SGCZ: variants seen among roughly 807,000 people sequenced by gnomAD.
The protein encoded by SGCZ is zeta-sarcoglycan.
A neutral mutation model predicts 41.3 loss-of-function variants in SGCZ; 40 were observed. The ratio of observed to expected loss-of-function variants is 0.97; its 90% CI spans 0.75 to 1.26. The LOEUF (loss-of-function observed/expected upper bound fraction) is 1.26, where lower values mean the gene tolerates loss of function less well. Ranked by LOEUF, SGCZ falls within the 50% of genes most tolerant of loss-of-function variation. The pLI, the probability that SGCZ is intolerant of heterozygous loss-of-function variation, is 0.00. For synonymous variants in SGCZ, 206 were observed against 137.5 expected, an observed-to-expected ratio of 1.50 and a Z score of -3.49; for missense variants, 552 against 369.8, an observed-to-expected ratio of 1.49 and a Z score of -4.04.
At chr8:14,507,687 C>G (rs1445885511) in intron 2 of SGCZ, among the ~76,000 whole-genome samples, 2 of 152,036 alleles carry the variant, frequency 1.3e-5, no homozygotes, top group East Asian at 3.9e-4. Context: ...TGCAATTCTT[C>G]AAGTTTTCTA....
At chr8:14,450,386 T>C (rs879587271) in intron 2 of SGCZ, among the ~76,000 whole-genome samples, 1 of 152,202 alleles carries the variant, frequency 6.6e-6, no homozygotes, top group Non-Finnish European at 1.5e-5. Flanking sequence ...AATGTAGAAA[T>C]TGGCTTTATA....
intron 2 of SGCZ, among the ~76,000 whole-genome samples, chr8:14,454,977 T>G (rs1308349705): frequency 1.8e-4 from 28 of 152,118 alleles, no homozygotes; most frequent in Admixed American, 1.7e-3. Flanking sequence ...GGAAAAGTAT[T>G]CCTACGGATA....
At chr8:14,669,698 AC>A (rs1808040632) in intron 1 of SGCZ, among the ~76,000 whole-genome samples, 1 of 56,634 alleles carries the variant, frequency 1.8e-5, no homozygotes, top group Admixed American at 2.2e-4. Flanking sequence ...GTGTATACAC[AC>A]ACACACACAC....
intron 2 of SGCZ, among the ~76,000 whole-genome samples, chr8:14,389,022 ATG>A (rs1455439692): frequency 6.6e-6 from 1 of 152,028 alleles, no homozygotes; most frequent in Non-Finnish European, 1.5e-5. Flanking sequence ...AAAAGACACT[ATG>A]AGATATAAAG....
chr8:14,876,659 G>A (rs971453233), intron 1 of SGCZ, among the ~76,000 whole-genome samples: 7 of 152,136 alleles, frequency 4.6e-5, no homozygotes, highest in East Asian at 1.9e-4. Context: ...TTTTTAAATG[G>A]TACAAGGTGC....
chr8:14,367,647 T>C (rs886913023), intron 2 of SGCZ, among the ~76,000 whole-genome samples: 3 of 151,990 alleles, frequency 2.0e-5, no homozygotes, highest in Non-Finnish European at 2.9e-5. Flanking sequence ...AGAGCATGTG[T>C]AAGCACAGGA....
At chr8:14,170,242 T>C (rs1291209356) in intron 4 of SGCZ, among the ~76,000 whole-genome samples, 1 of 152,084 alleles carries the variant, frequency 6.6e-6, no homozygotes, top group Non-Finnish European at 1.5e-5. Flanking sequence ...AAAAATATGC[T>C]CTAGCATTTC....
chr8:14,944,712 C>T (rs1253192553), intron 1 of SGCZ, among the ~76,000 whole-genome samples: 1 of 152,042 alleles, frequency 6.6e-6, no homozygotes, highest in African/African-American at 2.4e-5. Flanking sequence ...TCCTGATAAA[C>T]CCATTGTAGG....
chr8:14,657,488 A>G (rs1807613338), intron 1 of SGCZ, among the ~76,000 whole-genome samples: 1 of 152,176 alleles, frequency 6.6e-6, no homozygotes, highest in Non-Finnish European at 1.5e-5. Flanking sequence ...CTAATCATTG[A>G]CCATGAAGCT....
intron 2 of SGCZ, among the ~76,000 whole-genome samples, chr8:14,463,885 T>C (rs558274786): frequency 6.8e-6 from 1 of 146,740 alleles, no homozygotes; most frequent in Admixed American, 6.7e-5. Flanking sequence ...TGATCATGTG[T>C]TTTTCTGCCT....
At chr8:14,686,239 G>A (rs1808606619) in intron 1 of SGCZ, among the ~76,000 whole-genome samples, 1 of 151,980 alleles carries the variant, frequency 6.6e-6, no homozygotes, top group South Asian at 2.1e-4. Flanking sequence ...ACCCTGATCA[G>A]GTTATAGAAA....
intron 1 of SGCZ, among the ~76,000 whole-genome samples, chr8:14,658,491 G>A (rs10097072): frequency 1.3e-5 from 2 of 151,824 alleles, no homozygotes; most frequent in Non-Finnish European, 2.9e-5. Context: ...GATAAGATGC[G>A]CAGCCTCCAA....
chr8:14,259,556 A>C (rs1331815094), intron 3 of SGCZ, among the ~76,000 whole-genome samples: 1 of 141,160 alleles, frequency 7.1e-6, no homozygotes, highest in African/African-American at 2.5e-5. Flanking sequence ...AGCACCATTT[A>C]TTAAATAGGG....
At chr8:15,093,871 A>C (rs1806239192) in intron 1 of SGCZ, among the ~76,000 whole-genome samples, 1 of 152,210 alleles carries the variant, frequency 6.6e-6, no homozygotes, top group Admixed American at 6.5e-5. Flanking sequence ...CCACTTAATA[A>C]AACAGTATCA....
intron 6 of SGCZ, among the ~76,000 whole-genome samples, chr8:14,107,441 T>C (rs1198647353): frequency 6.6e-6 from 1 of 152,062 alleles, no homozygotes; most frequent in African/African-American, 2.4e-5. Flanking sequence ...TTGGAAATAT[T>C]AGACTGAGGA....
chr8:14,432,883 C>CAG (rs914847737), intron 2 of SGCZ, among the ~76,000 whole-genome samples: 29 of 133,366 alleles, frequency 2.2e-4, no homozygotes, highest in African/African-American at 8.5e-4. Flanking sequence ...TACTGCACTC[C>CAG]AGCCTGGGCA....
At chr8:14,916,672 G>A (rs1460388020) in intron 1 of SGCZ, among the ~76,000 whole-genome samples, 2 of 152,082 alleles carry the variant, frequency 1.3e-5, no homozygotes, top group South Asian at 2.1e-4. Context: ...ATGTGTGATG[G>A]CACCAGATCT....
intron 1 of SGCZ, 74 bp from the exon 2 acceptor site, chr8:14,555,000 T>C (rs1180034437): frequency 4.9e-5 from 67 of 1,371,424 alleles, no homozygotes; most frequent in Non-Finnish European, 6.5e-5. Context: ...CCCATGATTT[T>C]TTTGAAACAA....
chr8:14,132,473 T>G (rs1249322339), intron 5 of SGCZ, among the ~76,000 whole-genome samples: 1 of 152,174 alleles, frequency 6.6e-6, no homozygotes, highest in Non-Finnish European at 1.5e-5. Context: ...CCATTACTAA[T>G]TTCTTGTATA....
Sources: gnomAD v4.1 joint callset for allele counts (sites outside exome capture counted in the v4.1 genomes callset) on GRCh38, gnomAD v4.1.1 for gene constraint, MANE v1.5 for transcripts, NCBI Gene and HGNC (gene_info 2026-07-23, HGNC 2026-07-21) for gene names.